ATG16L2: variants seen among roughly 807,000 people sequenced by gnomAD.
ATG16L2 encodes protein Atg16l2.
Under a neutral mutation model 84.7 loss-of-function variants are expected in ATG16L2, and 77 were observed. The observed-to-expected ratio is 0.91, with a 90% confidence interval of 0.76 to 1.10. The LOEUF (loss-of-function observed/expected upper bound fraction) is 1.10. ATG16L2 is among the 50% of genes least tolerant of loss of function. ATG16L2 has a pLI of 0.00. For synonymous variants in ATG16L2, 361 were observed against 342.8 expected, an observed-to-expected ratio of 1.05 and a Z score of -0.59; for missense variants, 782 against 817.6, an observed-to-expected ratio of 0.96 and a Z score of 0.53.
chr11:72,825,300 A>G lies in ATG16L2; in HGVS notation c.997-2A>G, dbSNP rs368762555. 5.1e-5 allele frequency: 83 copies of G among 1,612,950 alleles called. No homozygotes were observed. The East Asian group carries it at 1.5e-3, about 29-fold the overall frequency. On this transcript the variant is annotated splice_acceptor_variant, in intron 9 of 17. Coordinates refer to ENST00000321297, the MANE Select transcript of ATG16L2 (RefSeq NM_033388.2). LOFTEE classifies it high-confidence loss of function. ...GGGCACCAACCTCCCCTTTCCCCAC[A>G]GGATGCCCACCTCTCTGAGGTCAAT... is the stretch of plus-strand genomic sequence containing the variant.
At chr11:72,817,889 G>A (rs375989927) in intron 3 of ATG16L2, 34 bp downstream of exon 3, 1 of 1,575,598 alleles carries the variant, frequency 6.3e-7, no homozygotes, top group South Asian at 1.1e-5. Flanking sequence ...ATGGGGTAGA[G>A]AGATGTGGTC....
At chr11:72,826,353 C>A in intron 11 of ATG16L2, 110 bp downstream of exon 11, 2 of 1,419,010 alleles carry the variant, frequency 1.4e-6, no homozygotes, top group Non-Finnish European at 1.9e-6. Flanking sequence ...TAGAACCAGG[C>A]CCCTGGGCTC....
downstream of ATG16L2, chr11:72,843,703 A>G: frequency 1.7e-6 from 1 of 599,992 alleles, no homozygotes; most frequent in East Asian, 2.8e-5. Context: ...GTTTTACTTT[A>G]AAAAACTAAA....
Position 72,825,337 on chromosome 11 carries a change from T to A in ATG16L2, c.1032T>A (p.Phe344Leu). The A allele has an allele frequency of 6.2e-7, 1 of 1,613,628 alleles. No individual in the cohort carries two copies. The highest frequency in any genetic ancestry group is 8.5e-7 in the Non-Finnish European group (1 of 1,179,972). The change falls in exon 10 of 18, where the codon TTT (phenylalanine) becomes TTA (leucine). Residue 344 changes from phenylalanine to leucine, a missense_variant. Coordinates refer to ENST00000321297, the MANE Select transcript of ATG16L2 (RefSeq NM_033388.2). ...TCTCTGAGGTCAATGCTGTTCGTTT[T>A]GGCCCCAACAGCAGCCTCCTGGCCA... ...AHLSEVNAVR[F>L]GPNSSLLATG...
At chr11:72,817,967 T>C (rs1389795039) in intron 3 of ATG16L2, 112 bp downstream of exon 3, 7 of 991,946 alleles carry the variant, frequency 7.1e-6, no homozygotes, top group Admixed American at 4.5e-5. Flanking sequence ...GCTGCAAGCA[T>C]TGAGTGAGCC....
chr11:72,823,965 G>C (rs1237797892), intron 7 of ATG16L2, 95 bp from the exon 8 acceptor site: 9 of 1,380,920 alleles, frequency 6.5e-6, no homozygotes, highest in Non-Finnish European at 9.3e-6. Context: ...GAGGTTACAA[G>C]CCTCCAGGTC....
At position 72,816,824 on chromosome 11, in the gene ATG16L2, C is replaced by T; in HGVS notation, c.215C>T (p.Pro72Leu). Residue 72 changes from proline to leucine, a missense_variant, in exon 2 of 18, where the codon CCC (proline) becomes CTC (leucine). Coordinates refer to ENST00000321297, the MANE Select transcript of ATG16L2 (RefSeq NM_033388.2). ...GTCACTCCCACCACCCACCAGGGCC[C>T]CTGGTAAGTGTATGTGGGTCCGTGG... ...NSVTPTTHQGPWEESELDSDQ... is the reference protein window; with the variant it reads ...NSVTPTTHQGLWEESELDSDQ... The T allele has an allele frequency of 4.3e-6, 7 of 1,614,054 alleles. No individual in the cohort carries two copies. Among genetic ancestry groups the T allele is most frequent in the Non-Finnish European group, 5.9e-6 (7 of 1,179,898 alleles).
In ATG16L2 at chr11:72,817,363, A is replaced by G. The variant is rs190036902; in HGVS notation, c.219-393A>G. Among the ~76,000 whole-genome samples the G allele has an allele frequency of 3.1e-3, 475 of 151,908 alleles. 6 individuals are homozygous for G. Among genetic ancestry groups the G allele is most frequent in the African/African-American group, 0.011 (461 of 41,406 alleles). Reference sequence around the variant, plus strand: ...CAATTCTCCTGCCTCAGCCTCCTGGAACGTGCACCACCACCCCCGGCTAAT... The same window carrying G: ...CAATTCTCCTGCCTCAGCCTCCTGGGACGTGCACCACCACCCCCGGCTAAT... On this transcript the variant is annotated intron_variant, in intron 2 of 17. Coordinates refer to ENST00000321297, the MANE Select transcript of ATG16L2 (RefSeq NM_033388.2).
chr11:72,814,519 G>C lies in ATG16L2; in HGVS notation c.74G>C (p.Arg25Pro). The C allele has an allele frequency of 1.3e-6, 2 of 1,563,572 alleles. No homozygotes were observed. Among genetic ancestry groups the C allele is most frequent in the South Asian group, 1.2e-5 (1 of 85,098 alleles). The change falls in exon 1 of 18, where the codon CGG becomes CCG. Residue 25 changes from arginine to proline, a missense_variant. By Grantham distance (103) the Arg-to-Pro change is moderately radical. Transcript: ENST00000321297. ...KRHIVRQLRL[R>P]DRTQKALFLE... ...CACATCGTGCGGCAGCTGCGGCTTC[G>C]GGACCGTACGCAAAAGGCGCTTTTC...
chr11:72,832,397 G>A (rs1483414165), downstream of ATG16L2, among the ~76,000 whole-genome samples: 1 of 152,154 alleles, frequency 6.6e-6, no homozygotes, highest in Non-Finnish European at 1.5e-5. Context: ...GGTGCTTCCT[G>A]GAGGAACAAG....
intron 14 of ATG16L2, among the ~76,000 whole-genome samples, 160 bp from the exon 15 acceptor site, chr11:72,828,199 G>A (rs1349481118): frequency 6.6e-6 from 1 of 152,242 alleles, no homozygotes; most frequent in African/African-American, 2.4e-5. Context: ...GCAGTGGGGA[G>A]AAGGGAGATG....
chr11:72,842,777 C>T (rs200377316), exon 6 of ATG16L2: 4 of 1,613,798 alleles, frequency 2.5e-6, no homozygotes, highest in Non-Finnish European at 3.4e-6. Flanking sequence ...TTATTGCTCC[C>T]TCAGGAAAAG....
intron 2 of ATG16L2, among the ~76,000 whole-genome samples, chr11:72,817,232 G>A (rs974404116): frequency 1.3e-5 from 2 of 152,036 alleles, no homozygotes; most frequent in African/African-American, 4.8e-5. Flanking sequence ...AGAGTTGGGA[G>A]GTGCTTTGCT....
At chr11:72,823,410 C>A in intron 7 of ATG16L2, 1 of 306,562 alleles carries the variant, frequency 3.3e-6, no homozygotes, top group South Asian at 2.7e-5. Context: ...GATGTGTGCT[C>A]ACACTTGTGG....
At chr11:72,819,612 G>A (rs1859866003) in intron 3 of ATG16L2, among the ~76,000 whole-genome samples, 1 of 152,088 alleles carries the variant, frequency 6.6e-6, no homozygotes, top group South Asian at 2.1e-4. Context: ...TTCCTGCCAC[G>A]CTCATCTCTG....
At chr11:72,821,053 A>T in intron 3 of ATG16L2, 1 of 239,214 alleles carries the variant, frequency 4.2e-6, no homozygotes, top group Non-Finnish European at 6.8e-6. Flanking sequence ...GGAAGCCAGC[A>T]GGGAGGGGTG....
intron 1 of ATG16L2, chr11:72,816,442 C>A: frequency 2.8e-6 from 1 of 356,700 alleles, no homozygotes. Context: ...CCCTCAGGAC[C>A]CTCAGCGGGC....
chr11:72,829,556 G>T lies in ATG16L2; in HGVS notation c.*166G>T. On this transcript the variant is annotated 3_prime_UTR_variant, in exon 18 of 18. Transcript: ENST00000321297. ...GTTTAAAAATGAAGTATGGGTTGGG[G>T]GATTACGCTAGTTTTTCTTTGTATT... 5 of 1,384,270 alleles carry T rather than the reference G, an allele frequency of 3.6e-6. No individual in the cohort carries two copies. Among genetic ancestry groups the T allele is most frequent in the South Asian group, 1.7e-5 (1 of 59,264 alleles). The allele number at this position is 1,384,270 out of a possible 1,614,324, so 85.7% of individuals were successfully genotyped here.
chr11:72,842,511 C>A, intron 5 of ATG16L2: 1 of 1,309,316 alleles, frequency 7.6e-7, no homozygotes, highest in East Asian at 2.4e-5. Context: ...AACCAAGGAC[C>A]GGTGAGGGTA....
Sources: gnomAD v4.1 joint callset for allele counts (sites outside exome capture counted in the v4.1 genomes callset) on GRCh38, gnomAD v4.1.1 for gene constraint, MANE v1.5 for transcripts, NCBI Gene and HGNC (gene_info 2026-07-23, HGNC 2026-07-21) for gene names.